The following SLIT3 variants were observed in gnomAD, a reference collection of about 807,000 sequenced individuals.
SLIT3 encodes slit homolog 3 protein.
SLIT3 carries 68 observed loss-of-function variants against 184.0 expected under a neutral mutation model. The ratio of observed to expected loss-of-function variants is 0.37; its 90% confidence interval spans 0.30 to 0.45. The LOEUF is 0.45. Ranked by LOEUF, SLIT3 falls within the 20% of genes least tolerant of loss-of-function variation. The pLI, the probability that SLIT3 is intolerant of heterozygous loss-of-function variation, is 1.00. For synonymous variants in SLIT3, 831 were observed against 828.6 expected (o/e 1.00, Z -0.05); for missense variants, 1,707 against 2,026.0 (o/e 0.84, Z 3.02).
intron 4 of SLIT3, among the ~76,000 whole-genome samples, chr5:168,984,821 C>T (rs946359192): frequency 6.6e-6 from 1 of 152,154 alleles, no homozygotes; most frequent in African/African-American, 2.4e-5. Flanking sequence ...ACTTTAGTGG[C>T]CTTATCAACC....
chr5:168,831,330 G>A (rs1347728564), intron 6 of SLIT3, among the ~76,000 whole-genome samples: 3 of 151,954 alleles, frequency 2.0e-5, no homozygotes, highest in Non-Finnish European at 4.4e-5. Flanking sequence ...TGGAGGGAGA[G>A]GTGAGACAAG....
At chr5:168,974,526 A>G (rs1009646572) in intron 4 of SLIT3, among the ~76,000 whole-genome samples, 1 of 152,222 alleles carries the variant, frequency 6.6e-6, no homozygotes, top group African/African-American at 2.4e-5. Flanking sequence ...ACAGATTTTC[A>G]TATCACTGTG....
At chr5:168,850,533 C>T (rs1228850017) in intron 5 of SLIT3, among the ~76,000 whole-genome samples, 2 of 152,180 alleles carry the variant, frequency 1.3e-5, no homozygotes, top group African/African-American at 4.8e-5. Context: ...TAGCCAGTTA[C>T]ATTTACAGAG....
At chr5:168,755,285 G>A (rs1754851970) in intron 16 of SLIT3, among the ~76,000 whole-genome samples, 1 of 152,036 alleles carries the variant, frequency 6.6e-6, no homozygotes, top group African/African-American at 2.4e-5. Flanking sequence ...TCATAAGTGA[G>A]TATTCCTTTG....
At chr5:168,770,470 T>C (rs1007609094) in intron 14 of SLIT3, among the ~76,000 whole-genome samples, 2 of 152,126 alleles carry the variant, frequency 1.3e-5, no homozygotes, top group Non-Finnish European at 1.5e-5. Context: ...CATCTATGGT[T>C]TTTCTTTCCC....
At chr5:169,290,839 C>T (rs376570591) in intron 1 of SLIT3, among the ~76,000 whole-genome samples, 57 of 148,752 alleles carry the variant, frequency 3.8e-4, no homozygotes, top group Middle Eastern at 3.6e-3. Flanking sequence ...CTAGGGCACA[C>T]GCTAGGGCAC....
In SLIT3 at chr5:169,232,775, A is replaced by G. The variant is rs115110252; in HGVS notation, c.341+11930T>C. Among the ~76,000 whole-genome samples the G allele has an allele frequency of 1.4e-3, 209 of 152,264 alleles. 1 individual carries two copies. Among genetic ancestry groups the G allele is most frequent in the African/African-American group, 4.9e-3 (203 of 41,560 alleles). On this transcript the variant is annotated intron_variant, in intron 3 of 35. Transcript: ENST00000519560. ...GCTTTTCTTGGTCATTTGCATTCCT[A>G]TATAAATTTTAGCATCATCTTAATT...
At chr5:168,852,565 T>C (rs1758718541) in intron 5 of SLIT3, among the ~76,000 whole-genome samples, 2 of 152,246 alleles carry the variant, frequency 1.3e-5, no homozygotes, top group Admixed American at 6.5e-5. Flanking sequence ...GAGTGCTCCC[T>C]GACAGTGCAC....
chr5:169,094,176 T>G (rs1759694334), intron 4 of SLIT3, among the ~76,000 whole-genome samples: 1 of 152,258 alleles, frequency 6.6e-6, no homozygotes, highest in Non-Finnish European at 1.5e-5. Flanking sequence ...TGTATTCTTT[T>G]TGTTAATTTA....
At chr5:169,011,342 A>G (rs979993383) in intron 4 of SLIT3, among the ~76,000 whole-genome samples, 24 of 152,232 alleles carry the variant, frequency 1.6e-4, no homozygotes, top group Admixed American at 1.3e-3. Context: ...AGAGGTGACC[A>G]TAGTAAGTCT....
At chr5:168,892,684 TATCA>T (rs1760512635) in intron 4 of SLIT3, among the ~76,000 whole-genome samples, 1 of 152,276 alleles carries the variant, frequency 6.6e-6, no homozygotes, top group Non-Finnish European at 1.5e-5. Context: ...CTTCCAGGGC[TATCA>T]GAGTTAACTG....
Position 168,671,483 on chromosome 5 carries a change from C to T in SLIT3, c.3842G>A (p.Gly1281Asp). The change falls in exon 34 of 36, where the codon GGC (glycine) becomes GAC (aspartate). Residue 1281 changes from glycine to aspartate, a missense_variant and splice_region_variant. Around this residue, in one of 3 missense-constraint regions of SLIT3, gnomAD observed 387 missense variants for 477.9 expected, o/e 0.81. Transcript: ENST00000519560. ...AGAGAGGCCGGTGGAGGTGGGGATG[C>T]CTGTGGGAGGGGAGCCAGGACAGTG... ...VGINSPLYLG[G>D]IPTSTGLSAL... 6.2e-7 allele frequency: 1 copy of T among 1,608,762 alleles called. No homozygotes were observed. Among genetic ancestry groups the T allele is most frequent in the South Asian group, 1.1e-5 (1 of 90,130 alleles).
At chr5:168,752,238 C>A (rs577936049) in intron 18 of SLIT3, among the ~76,000 whole-genome samples, 1 of 152,262 alleles carries the variant, frequency 6.6e-6, no homozygotes, top group African/African-American at 2.4e-5. Flanking sequence ...GACAGATGTT[C>A]AGTCCCACAT....
chr5:169,008,329 C>A (rs772290773), intron 4 of SLIT3, among the ~76,000 whole-genome samples: 14 of 152,160 alleles, frequency 9.2e-5, no homozygotes, highest in Admixed American at 2.6e-4. Context: ...CATGAAGCTG[C>A]AAGGCTGGGA....
chr5:168,732,889 C>T (rs956804458), intron 20 of SLIT3, among the ~76,000 whole-genome samples: 1 of 152,098 alleles, frequency 6.6e-6, no homozygotes, highest in Non-Finnish European at 1.5e-5. Flanking sequence ...AGGAAAAACT[C>T]TTTTGGACAT....
At position 169,135,424 on chromosome 5, in the gene SLIT3, T is replaced by G. The variant is rs1356468586; in HGVS notation, c.413+58055A>C. Among the ~76,000 whole-genome samples, 5 of 152,208 alleles carry G rather than the reference T, an allele frequency of 3.3e-5. No homozygotes were observed. In the East Asian group the frequency reaches 9.6e-4, roughly 29 times the overall value. ...ACCACACCCGGCAGATCAGTGTTTT[T>G]TTTTAATCCATGAGTTGTTCTCTTT... On this transcript the variant is annotated intron_variant, in intron 4 of 35. Coordinates refer to ENST00000519560, the MANE Select transcript of SLIT3 (RefSeq NM_003062.4).
At chr5:169,107,960 A>G (rs1760279370) in intron 4 of SLIT3, among the ~76,000 whole-genome samples, 1 of 152,214 alleles carries the variant, frequency 6.6e-6, no homozygotes, top group African/African-American at 2.4e-5. Flanking sequence ...CCTATCACCA[A>G]GCAGGATGTT....
rs574357661 is a variant in SLIT3, at chr5:169,018,166, A to G, written c.414-134830T>C. On this transcript the variant is annotated intron_variant, in intron 4 of 35. Coordinates refer to ENST00000519560, the MANE Select transcript of SLIT3 (RefSeq NM_003062.4). ...TCTCAGGCCCCACCCCAGAAAACTG[A>G]GGCAGATCCCTGGGACGGGGATGCC... 4.3e-4 allele frequency among the ~76,000 whole-genome samples: 65 copies of G among 152,350 alleles called. 1 individual carries two copies. In the South Asian group the frequency reaches 0.013, roughly 32 times the overall value.
rs1186081866 is a variant in SLIT3 at position 168,931,192 on chromosome 5, G to C, written c.414-47856C>G. ...CCCTAGGGAAGTCAGGGAAGTTGCT[G>C]TAAAGGTGCTTGAAAAAGAGAAAGA... On this transcript the variant is annotated intron_variant, in intron 4 of 35. Coordinates refer to ENST00000519560, the MANE Select transcript of SLIT3 (RefSeq NM_003062.4). Among the ~76,000 whole-genome samples, 4 of 152,196 alleles carry C rather than the reference G, an allele frequency of 2.6e-5. No individual in the cohort carries two copies. In the East Asian group the frequency reaches 7.8e-4, roughly 30 times the overall value.
Sources: gnomAD v4.1 joint callset for allele counts (sites outside exome capture counted in the v4.1 genomes callset) on GRCh38, gnomAD v4.1.1 for gene constraint, gnomAD v4.1.1 regional missense constraint, MANE v1.5 for transcripts, NCBI Gene and HGNC (gene_info 2026-07-23, HGNC 2026-07-21) for gene names.